The following CACNA1A variants were observed in gnomAD, a reference collection of about 807,000 sequenced individuals.
CACNA1A encodes the protein calcium voltage-gated channel subunit alpha1 A, also known as voltage-dependent P/Q-type calcium channel subunit alpha-1A.
In CACNA1A, 57 loss-of-function variants were observed where a neutral mutation model predicts 262.4. The observed-to-expected ratio is 0.22, with a 90% CI of 0.18 to 0.27. CACNA1A has a LOEUF of 0.27. Among genes scored for constraint, CACNA1A ranks in the 10% least tolerant of loss-of-function variants. CACNA1A has a pLI of 1.00. For synonymous variants in CACNA1A, 1,431 were observed against 1,419.3 expected (o/e 1.01, Z -0.18); for missense variants, 2,526 against 3,562.8 (o/e 0.71, Z 7.41).
intron 6 of CACNA1A, among the ~76,000 whole-genome samples, chr19:13,358,079 A>G (rs939359760): frequency 3.3e-5 from 5 of 152,172 alleles, no homozygotes; most frequent in Non-Finnish European, 7.3e-5. Context: ...CTGCAATCCC[A>G]CTTCTGGGAA....
intron 32 of CACNA1A, 115 bp from the exon 33 acceptor site, chr19:13,235,389 A>C (rs1324953120): frequency 1.8e-5 from 19 of 1,041,326 alleles, no homozygotes; most frequent in Non-Finnish European, 2.5e-5. Flanking sequence ...GCCACGTGCC[A>C]GAGTCCTTCC....
intron 19 of CACNA1A, among the ~76,000 whole-genome samples, chr19:13,289,853 T>C (rs2057492707): frequency 6.6e-6 from 1 of 151,652 alleles, no homozygotes. Flanking sequence ...CGCTGTTATA[T>C]TCTGGAAACA....
intron 1 of CACNA1A, among the ~76,000 whole-genome samples, chr19:13,482,794 C>T (rs1979490268): frequency 6.6e-6 from 1 of 151,600 alleles, no homozygotes; most frequent in Admixed American, 6.6e-5. Context: ...CTGCCAGCTT[C>T]CTGTTAGGAA....
rs1029210685 is a variant in CACNA1A, at chr19:13,450,161, A to G, written c.539+2715T>C. On this transcript the variant is annotated intron_variant, in intron 3 of 46. Transcript: ENST00000360228. ...TGTCAAAAAAAAAAAAAAAAAAAAA[A>G]AGAGAAAGGTTGTGTTTTGATAGCA... 1.9e-3 allele frequency among the ~76,000 whole-genome samples: 286 copies of G among 151,192 alleles called. 1 individual carries two copies. The highest frequency in any genetic ancestry group is 6.6e-3 in the African/African-American group (271 of 40,928).
At position 13,212,585 on chromosome 19, in the gene CACNA1A, C is replaced by A; in HGVS notation, c.6050+46G>T. On this transcript the variant is annotated intron_variant, in intron 41 of 46. Transcript: ENST00000360228. The surrounding 1 kb of genome is among the most constrained non-coding windows in gnomAD (Gnocchi z 5.6). ...TTGGGCAGCTTCCAGAACGTGGGGA[C>A]CACGGCACCCCCACACTCCACCTCC... 6.6e-7 allele frequency: 1 copy of A among 1,509,946 alleles called. No homozygotes were observed. Among genetic ancestry groups the A allele is most frequent in the South Asian group, 1.3e-5 (1 of 76,714 alleles). The allele number at this position is 1,509,946 out of a possible 1,614,324, so 93.5% of individuals were successfully genotyped here.
At chr19:13,235,761 C>T (rs745695438) in intron 31 of CACNA1A, 31 bp from the exon 32 acceptor site, 7 of 1,499,368 alleles carry the variant, frequency 4.7e-6, no homozygotes, top group Non-Finnish European at 6.5e-6. Context: ...GGGTGACCAT[C>T]CACCCACCCC....
intron 24 of CACNA1A, among the ~76,000 whole-genome samples, chr19:13,269,036 G>A (rs1034807555): frequency 4.0e-5 from 6 of 151,622 alleles, no homozygotes; most frequent in African/African-American, 9.7e-5. Context: ...TTGCTCTGTC[G>A]CCCAGGCTGG....
chr19:13,385,398 T>G (rs1034902366), intron 3 of CACNA1A, among the ~76,000 whole-genome samples: 1 of 152,092 alleles, frequency 6.6e-6, no homozygotes, highest in African/African-American at 2.4e-5. Flanking sequence ...CCTGGCTAAT[T>G]TTTACATTTT....
At chr19:13,265,280 C>T (rs2056834370) in intron 24 of CACNA1A, among the ~76,000 whole-genome samples, 2 of 152,198 alleles carry the variant, frequency 1.3e-5, no homozygotes, top group South Asian at 4.1e-4. Context: ...GGGGAGGTCA[C>T]CTAGAAAACA....
In CACNA1A at chr19:13,241,349, AGGCACAG is replaced by A. The variant is rs1171367108; in HGVS notation, c.4950+3826_4950+3832del. Among the ~76,000 whole-genome samples, 3 of 152,080 alleles carry A rather than the reference AGGCACAG, an allele frequency of 2.0e-5. No homozygotes were observed. The highest frequency in any genetic ancestry group is 2.9e-5 in the Non-Finnish European group (2 of 68,006). ...AGAGACAGAGTCTACAGGAAGTGGG[AGGCACAG>A]GGGCTGGGGGCGGGAGGACAGACAG... On this transcript the variant is annotated intron_variant, in intron 31 of 46. Transcript: ENST00000360228. This position sits in a 1 kb window ranked among gnomAD's most constrained non-coding sequence, Gnocchi z 4.0.
rs2061039087 is a variant in CACNA1A, at chr19:13,457,687, C to T, written c.294-2475G>A. On this transcript the variant is annotated intron_variant, in intron 1 of 46. Transcript: ENST00000360228. ...CCAACATGGAGAAACCCCATCTCTACTAAAAAAAGTACAAAATTAGCTGGG... is the reference window on the plus strand; with the variant it reads ...CCAACATGGAGAAACCCCATCTCTATTAAAAAAAGTACAAAATTAGCTGGG... Among the ~76,000 whole-genome samples, 3 of 152,068 alleles carry T rather than the reference C, an allele frequency of 2.0e-5. No individual in the cohort carries two copies. The South Asian group carries it at 6.2e-4, about 32-fold the overall frequency.
At position 13,334,481 on chromosome 19, in the gene CACNA1A, T is replaced by C; in HGVS notation, c.1095A>G (p.Lys365=). ...VLGVLSGEFA[K]ERERVENRRA... ...GCCGGTTCTCCACCCGTTCCCTTTCTTTGGCAAACTCCCTGGAGAAGCATA... is the reference window on the plus strand; with the variant it reads ...GCCGGTTCTCCACCCGTTCCCTTTCCTTGGCAAACTCCCTGGAGAAGCATA... Residue 365 remains lysine, a synonymous_variant, in exon 8 of 47, where the codon AAA becomes AAG. Transcript: ENST00000360228. The C allele has an allele frequency of 6.2e-7, 1 of 1,604,256 alleles. No homozygotes were observed.
At chr19:13,428,690 G>C (rs532924164) in intron 3 of CACNA1A, among the ~76,000 whole-genome samples, 2 of 151,996 alleles carry the variant, frequency 1.3e-5, no homozygotes, top group Non-Finnish European at 2.9e-5. Context: ...CAGAATTTTC[G>C]CCACGTCCAC....
In CACNA1A at chr19:13,256,994, GGCTGCTCT is replaced by G. The variant is rs558146586; in HGVS notation, c.4590+348_4590+355del. On this transcript the variant is annotated intron_variant, in intron 28 of 46. Coordinates refer to ENST00000360228, the MANE Select transcript of CACNA1A (RefSeq NM_001127222.2). ...TTTCATCTGGAGCATCTCAGAGGGA[GGCTGCTCT>G]GCTGCTCTGCCAGCCTGGGAACCAG... The G allele has an allele frequency of 3.9e-5, 7 of 179,294 alleles. No individual in the cohort carries two copies. The East Asian group carries it at 7.3e-4, about 19-fold the overall frequency. The allele number at this position is 179,294 out of a possible 1,614,324, so 11.1% of individuals were successfully genotyped here.
intron 3 of CACNA1A, among the ~76,000 whole-genome samples, chr19:13,386,507 G>A (rs911641345): frequency 6.6e-6 from 1 of 152,094 alleles, no homozygotes; most frequent in Non-Finnish European, 1.5e-5. Flanking sequence ...GGCAGTCATC[G>A]GCCGGGCACA....
At position 13,404,218 on chromosome 19, in the gene CACNA1A, C is replaced by A. The variant is rs568169397; in HGVS notation, c.540-32439G>T. Among the ~76,000 whole-genome samples, 22 of 151,732 alleles carry A rather than the reference C, an allele frequency of 1.4e-4. No individual in the cohort carries two copies. In the South Asian group the frequency reaches 2.5e-3, roughly 17 times the overall value. On this transcript the variant is annotated intron_variant, in intron 3 of 46. Transcript: ENST00000360228. ...CACACACACACACAGTAATAAGGTT[C>A]ATAGTTAATGCTGCTATATATGTTT...
chr19:13,233,553 T>C (rs2055748388), intron 34 of CACNA1A, among the ~76,000 whole-genome samples: 1 of 152,116 alleles, frequency 6.6e-6, no homozygotes, highest in Admixed American at 6.5e-5. Flanking sequence ...AGTGGCACAA[T>C]CATAGCTTAC....
chr19:13,297,691 T>G (rs2057692471), intron 19 of CACNA1A, among the ~76,000 whole-genome samples: 1 of 152,132 alleles, frequency 6.6e-6, no homozygotes, highest in Admixed American at 6.5e-5. Flanking sequence ...GTGGCACATG[T>G]CTGTGGTCCC....
At chr19:13,457,356 TG>T (rs1482326787) in intron 1 of CACNA1A, among the ~76,000 whole-genome samples, 1 of 152,198 alleles carries the variant, frequency 6.6e-6, no homozygotes, top group African/African-American at 2.4e-5. Flanking sequence ...AGTTACCATG[TG>T]ACACACAGTA....
Sources: allele counts gnomAD v4.1 joint callset (sites outside exome capture counted in the v4.1 genomes callset), GRCh38; gene constraint gnomAD v4.1.1; non-coding constraint Gnocchi (gnomAD v3.1); transcripts MANE v1.5; gene names NCBI Gene and HGNC (gene_info 2026-07-23, HGNC 2026-07-21).